The following OSBPL10 variants were observed in gnomAD, a reference collection of about 807,000 sequenced individuals.
The protein encoded by OSBPL10 is oxysterol-binding protein-related protein 10.
OSBPL10 carries 49 observed loss-of-function variants against 81.7 expected under a neutral mutation model. The observed-to-expected ratio is 0.60, with a 90% CI of 0.48 to 0.76. OSBPL10 has a LOEUF of 0.76. Among genes scored for constraint, OSBPL10 ranks in the 30% least tolerant of loss-of-function variants. The pLI, the probability that OSBPL10 is intolerant of heterozygous loss-of-function variation, is 0.00. For missense variants in OSBPL10, 923 were observed against 987.8 expected (o/e 0.93, Z 0.88); for synonymous variants, 419 against 383.6 (o/e 1.09, Z -1.08).
rs533244053 is a variant in OSBPL10 at position 32,047,461 on chromosome 3, C to T, written n.186-858G>A. On this transcript the variant is annotated intron_variant and non_coding_transcript_variant, in intron 1 of 3. Transcript: ENST00000479173. ...GATTTCCTGGAACTGAGGGGTTCTC[C>T]CCTCTTTAGACCATATAGTGGAACT... Among the ~76,000 whole-genome samples the T allele has an allele frequency of 7.6e-4, 115 of 152,166 alleles. 1 individual carries two copies. The highest frequency in any genetic ancestry group is 9.1e-4 in the Non-Finnish European group (62 of 68,022).
intron 1 of OSBPL10, among the ~76,000 whole-genome samples, chr3:31,930,006 A>C (rs1331379456): frequency 4.1e-4 from 60 of 145,006 alleles, no homozygotes; most frequent in African/African-American, 9.5e-4. Flanking sequence ...CACCAACCAA[A>C]AAAAAAAAAA....
intron 3 of OSBPL10, among the ~76,000 whole-genome samples, chr3:31,830,486 A>G (rs1700213283): frequency 6.6e-6 from 1 of 151,992 alleles, no homozygotes; most frequent in Non-Finnish European, 1.5e-5. Flanking sequence ...CAGCTATTCA[A>G]AATCCTGCCC....
At chr3:31,893,082 T>C (rs1171635044) in intron 1 of OSBPL10, among the ~76,000 whole-genome samples, 2 of 152,130 alleles carry the variant, frequency 1.3e-5, no homozygotes, top group Admixed American at 6.5e-5. Flanking sequence ...GAAATGTTAA[T>C]GTGCTCCCTC....
rs567911805 is a variant in OSBPL10 at position 31,779,085 on chromosome 3, A to C, written c.730-30965T>G. Among the ~76,000 whole-genome samples the C allele has an allele frequency of 1.1e-4, 16 of 146,854 alleles. 1 individual carries two copies. In the South Asian group the frequency reaches 3.3e-3, roughly 31 times the overall value. ...AAAAGGAGTTCTACCTCTTAAAACA[A>C]AACCTCAAAATACACCAAAATAGAA... On this transcript the variant is annotated intron_variant, in intron 4 of 11. Transcript: ENST00000396556.
intron 3 of OSBPL10, among the ~76,000 whole-genome samples, chr3:31,860,192 G>A (rs1378164575): frequency 2.0e-5 from 3 of 152,070 alleles, no homozygotes; most frequent in Non-Finnish European, 1.5e-5. Flanking sequence ...AGATTTTGAA[G>A]AAGCCTGCAC....
At chr3:31,685,816 C>A (rs888303124) in intron 7 of OSBPL10, among the ~76,000 whole-genome samples, 2 of 152,134 alleles carry the variant, frequency 1.3e-5, no homozygotes, top group Non-Finnish European at 2.9e-5. Flanking sequence ...CCCTTCCCTG[C>A]AAATGACTTG....
At chr3:31,923,005 T>C (rs545820869) in intron 1 of OSBPL10, among the ~76,000 whole-genome samples, 27 of 152,226 alleles carry the variant, frequency 1.8e-4, no homozygotes, top group South Asian at 8.3e-4. Flanking sequence ...CTTGGAGCTT[T>C]AAAGGAGCAA....
At chr3:31,830,511 C>A (rs1050089620) in intron 3 of OSBPL10, among the ~76,000 whole-genome samples, 1 of 152,096 alleles carries the variant, frequency 6.6e-6, no homozygotes, top group African/African-American at 2.4e-5. Flanking sequence ...CCGTCCCCGA[C>A]CCACACACCA....
At chr3:31,770,201 T>A (rs1698337421) in intron 4 of OSBPL10, among the ~76,000 whole-genome samples, 1 of 152,210 alleles carries the variant, frequency 6.6e-6, no homozygotes, top group Admixed American at 6.5e-5. Context: ...GAGAGGCTAA[T>A]GTTCAGGTTT....
At chr3:32,026,076 T>G (rs1699408552) in intron 2 of OSBPL10, among the ~76,000 whole-genome samples, 1 of 105,662 alleles carries the variant, frequency 9.5e-6, no homozygotes, top group African/African-American at 3.2e-5. Context: ...GATAGATAGA[T>G]AGATAGATAG....
intron 4 of OSBPL10, among the ~76,000 whole-genome samples, chr3:31,799,895 G>A (rs954097615): frequency 5.3e-5 from 8 of 152,154 alleles, no homozygotes; most frequent in Non-Finnish European, 1.2e-4. Context: ...TTTCAGTAGA[G>A]ATGGTATTTC....
In OSBPL10 at chr3:31,823,291, T is replaced by C. The variant is rs146761762; in HGVS notation, c.729+6749A>G. 2.7e-3 allele frequency among the ~76,000 whole-genome samples: 406 copies of C among 152,328 alleles called. 2 individuals are homozygous for C. Among genetic ancestry groups the C allele is most frequent in the Middle Eastern group, 0.014 (4 of 294 alleles). On this transcript the variant is annotated intron_variant, in intron 4 of 11. Transcript: ENST00000396556. ...AACAGCTAGAGAACGAGTCCTTAAT[T>C]CAATTTGTTCATCAGTATGCCTAGT...
intron 1 of OSBPL10, among the ~76,000 whole-genome samples, chr3:31,963,729 A>G (rs930521680): frequency 2.6e-5 from 4 of 152,226 alleles, no homozygotes; most frequent in African/African-American, 9.6e-5. Context: ...GATTTCTCCA[A>G]GATATGACTT....
intron 1 of OSBPL10, among the ~76,000 whole-genome samples, chr3:31,891,192 T>A (rs890089937): frequency 6.6e-6 from 1 of 152,204 alleles, no homozygotes; most frequent in African/African-American, 2.4e-5. Context: ...GATTCGGCAG[T>A]CAGAGACCTA....
chr3:31,733,214 G>A (rs200363318), intron 6 of OSBPL10, 43 bp downstream of exon 6: 32 of 1,595,272 alleles, frequency 2.0e-5, no homozygotes, highest in African/African-American at 1.2e-4. Flanking sequence ...CTGAACAAGC[G>A]ATAACACAAG....
At chr3:31,930,002 C>CAAACAAA (rs1559521974) in intron 1 of OSBPL10, among the ~76,000 whole-genome samples, 24 of 106,834 alleles carry the variant, frequency 2.2e-4, no homozygotes, top group South Asian at 7.2e-4. Flanking sequence ...CTGTCACCAA[C>CAAACAAA]CAAAAAAAAA....
rs1700481072 is a variant in OSBPL10, at chr3:31,676,526, TAAAA to T, written c.1727-5547_1727-5544del. 2.0e-5 allele frequency among the ~76,000 whole-genome samples: 3 copies of T among 152,292 alleles called. No homozygotes were observed. The South Asian group carries it at 6.2e-4, about 32-fold the overall frequency. The stretch of plus-strand genomic sequence containing the variant: ...ATTAAGATTTTCAAACTGATAAACT[TAAAA>T]TAATTTTGTGTCCAATCTCAATCTG... On this transcript the variant is annotated intron_variant, in intron 8 of 11. Coordinates refer to ENST00000396556, the MANE Select transcript of OSBPL10 (RefSeq NM_017784.5).
intron 2 of OSBPL10, among the ~76,000 whole-genome samples, chr3:32,022,775 CAA>C (rs200225362): frequency 7.0e-6 from 1 of 142,474 alleles, no homozygotes; most frequent in Non-Finnish European, 1.5e-5. Context: ...CAAGATGCTG[CAA>C]AAAAAAAAAA....
chr3:31,859,494 T>C (rs573098345), intron 3 of OSBPL10, among the ~76,000 whole-genome samples: 1 of 152,378 alleles, frequency 6.6e-6, no homozygotes, highest in South Asian at 2.1e-4. Flanking sequence ...CCTCCAGCCA[T>C]GCAGGTTGTT....
Sources: gnomAD v4.1 joint callset for allele counts (sites outside exome capture counted in the v4.1 genomes callset) on GRCh38, gnomAD v4.1.1 for gene constraint, MANE v1.5 for transcripts, NCBI Gene and HGNC (gene_info 2026-07-23, HGNC 2026-07-21) for gene names.